The following TMEM132C variants were observed in gnomAD, a reference collection of about 807,000 sequenced individuals.
TMEM132C encodes the protein transmembrane protein 132C.
Under a neutral mutation model 61.4 loss-of-function variants are expected in TMEM132C, and 29 were observed. The ratio of observed to expected loss-of-function variants is 0.47; its 90% confidence interval spans 0.35 to 0.64. The LOEUF (loss-of-function observed/expected upper bound fraction) is 0.64. Ranked by LOEUF, TMEM132C falls within the 30% of genes least tolerant of loss-of-function variation. TMEM132C has a pLI of 0.00. For missense variants in TMEM132C, 1,408 were observed against 1,476.9 expected (o/e 0.95, Z 0.76); for synonymous variants, 656 against 633.1 (o/e 1.04, Z -0.54).
At chr12:128,361,712 C>G (rs935681831) in intron 1 of TMEM132C, among the ~76,000 whole-genome samples, 3 of 151,156 alleles carry the variant, frequency 2.0e-5, no homozygotes, top group Non-Finnish European at 4.4e-5. Context: ...AGATGGAGAC[C>G]ATGTGCTTTC....
At chr12:128,665,958 C>CACAT (rs1954463953) in intron 4 of TMEM132C, among the ~76,000 whole-genome samples, 6 of 148,478 alleles carry the variant, frequency 4.0e-5, no homozygotes, top group Admixed American at 6.7e-5. Context: ...GGCACACACA[C>CACAT]ACACACGGGC....
chr12:128,678,031 T>C lies in TMEM132C; in HGVS notation c.1449+8471T>C, dbSNP rs1003350389. Among the ~76,000 whole-genome samples, 5 of 152,192 alleles carry C rather than the reference T, an allele frequency of 3.3e-5. 1 individual carries two copies. Among genetic ancestry groups the C allele is most frequent in the Admixed American group, 1.3e-4 (2 of 15,278 alleles). ...TGAACCTACTATTGATTTTGCAGGCTCCAAGTCCTTGAGAGTGTGAAGTTC... is the reference window on the plus strand; with the variant it reads ...TGAACCTACTATTGATTTTGCAGGCCCCAAGTCCTTGAGAGTGTGAAGTTC... On this transcript the variant is annotated intron_variant, in intron 5 of 8. Coordinates refer to ENST00000435159, the MANE Select transcript of TMEM132C (RefSeq NM_001136103.3).
chr12:128,466,900 A>G (rs1423226378), intron 2 of TMEM132C, among the ~76,000 whole-genome samples: 1 of 152,210 alleles, frequency 6.6e-6, no homozygotes, highest in African/African-American at 2.4e-5. Flanking sequence ...ATAGGGGAAG[A>G]GATAAAGCTG....
At chr12:128,491,492 C>T (rs541709578) in intron 2 of TMEM132C, among the ~76,000 whole-genome samples, 27 of 152,284 alleles carry the variant, frequency 1.8e-4, no homozygotes, top group African/African-American at 4.1e-4. Flanking sequence ...ATTCCTGTGA[C>T]GTCTCTTTGG....
intron 1 of TMEM132C, among the ~76,000 whole-genome samples, chr12:128,334,891 C>G (rs1454448171): frequency 6.6e-6 from 1 of 152,176 alleles, no homozygotes; most frequent in Non-Finnish European, 1.5e-5. Flanking sequence ...CCACCATGCC[C>G]AGCCCTTTTT....
chr12:128,326,873 T>C lies in TMEM132C; in HGVS notation c.85+59386T>C, dbSNP rs1357147663. ...GTATTTTTAATAAAGCAGAGGCTTT[T>C]GTTGTTGTTGTTAACATTGAACTTC... On this transcript the variant is annotated intron_variant, in intron 1 of 8. Transcript: ENST00000435159. This position sits in a 1 kb window ranked among gnomAD's most constrained non-coding sequence, Gnocchi z 5.6. 7.2e-6 allele frequency among the ~76,000 whole-genome samples: 1 copy of C among 139,080 alleles called. No homozygotes were observed. The highest frequency in any genetic ancestry group is 1.6e-5 in the Non-Finnish European group (1 of 63,660). The allele number at this position is 139,080 out of a possible 152,430, so 91.2% of individuals were successfully genotyped here.
chr12:128,641,261 A>G (rs1954155891), intron 4 of TMEM132C, among the ~76,000 whole-genome samples: 1 of 152,094 alleles, frequency 6.6e-6, no homozygotes, highest in South Asian at 2.1e-4. Context: ...CTCCCTCAAT[A>G]ACACTAAGAC....
intron 2 of TMEM132C, among the ~76,000 whole-genome samples, chr12:128,483,631 A>G (rs1029755520): frequency 7.2e-5 from 11 of 152,070 alleles, no homozygotes; most frequent in African/African-American, 2.7e-4. Context: ...CAAACTTTGT[A>G]CAGGTGTTTG....
intron 2 of TMEM132C, among the ~76,000 whole-genome samples, chr12:128,473,319 T>C (rs796171796): frequency 0.18 from 153 of 862 alleles, 1 homozygote; most frequent in Non-Finnish European, 0.21. Context: ...CTCCAGCCTC[T>C]ATCTTCATCT....
chr12:128,380,884 T>C (rs550454507), intron 1 of TMEM132C, among the ~76,000 whole-genome samples: 24 of 152,344 alleles, frequency 1.6e-4, no homozygotes, highest in Admixed American at 1.6e-3. Flanking sequence ...AGATACATAT[T>C]GTTGACTCAT....
intron 3 of TMEM132C, among the ~76,000 whole-genome samples, chr12:128,553,543 G>A (rs1874240214): frequency 6.6e-6 from 1 of 152,056 alleles, no homozygotes; most frequent in Non-Finnish European, 1.5e-5. Flanking sequence ...CCCATACTTA[G>A]CTTTTTAAAT....
chr12:128,552,092 G>A (rs568987325), intron 3 of TMEM132C, among the ~76,000 whole-genome samples: 11 of 152,312 alleles, frequency 7.2e-5, no homozygotes, highest in South Asian at 4.1e-4. Context: ...CAGCGGGGTC[G>A]GTGTAGGCAC....
chr12:128,647,833 G>A (rs560079277), intron 4 of TMEM132C, among the ~76,000 whole-genome samples: 11 of 150,298 alleles, frequency 7.3e-5, no homozygotes, highest in South Asian at 2.1e-4. Flanking sequence ...TTTGATGTGA[G>A]TGTGTTTACT....
intron 2 of TMEM132C, among the ~76,000 whole-genome samples, chr12:128,424,046 C>CAAAAAAA (rs144980387): frequency 1.4e-5 from 1 of 72,778 alleles, no homozygotes; most frequent in Non-Finnish European, 2.3e-5. Flanking sequence ...GACTCTGTCT[C>CAAAAAAA]AAAAAAAAAA....
chr12:128,496,181 A>T (rs1871950114), intron 2 of TMEM132C, among the ~76,000 whole-genome samples: 1 of 152,214 alleles, frequency 6.6e-6, no homozygotes, highest in South Asian at 2.1e-4. Flanking sequence ...TCTGGCTTGT[A>T]GAGTTTCTGC....
At chr12:128,419,575 GT>G (rs72349303) in intron 2 of TMEM132C, among the ~76,000 whole-genome samples, 7,374 of 136,136 alleles carry the variant, frequency 0.054, 498 homozygotes, top group African/African-American at 0.19. Context: ...TACTAATCTT[GT>G]TTTTTTTTTT....
intron 1 of TMEM132C, among the ~76,000 whole-genome samples, chr12:128,395,669 T>C (rs1430223606): frequency 6.6e-6 from 1 of 152,250 alleles, no homozygotes; most frequent in Non-Finnish European, 1.5e-5. Flanking sequence ...ATGTAATTTG[T>C]TGAACGCTGT....
intron 1 of TMEM132C, among the ~76,000 whole-genome samples, chr12:128,312,773 C>A (rs144815338): frequency 6.6e-6 from 1 of 152,336 alleles, no homozygotes; most frequent in Non-Finnish European, 1.5e-5. Context: ...GGATAAAGTT[C>A]TCTCCCAGTT....
intron 2 of TMEM132C, among the ~76,000 whole-genome samples, chr12:128,452,246 C>T (rs900126413): frequency 3.3e-5 from 5 of 151,936 alleles, no homozygotes; most frequent in African/African-American, 9.6e-5. Context: ...TACAGGCATG[C>T]GCCACCACAC....
Sources: gnomAD v4.1 joint callset for allele counts (sites outside exome capture counted in the v4.1 genomes callset) on GRCh38, gnomAD v4.1.1 for gene constraint, Gnocchi (gnomAD v3.1) non-coding constraint, MANE v1.5 for transcripts, NCBI Gene and HGNC (gene_info 2026-07-23, HGNC 2026-07-21) for gene names.